SIPA1L2: variants seen among roughly 807,000 people sequenced by gnomAD.
SIPA1L2 encodes signal induced proliferation associated 1 like 2.
In SIPA1L2, 56 loss-of-function variants were observed where a neutral mutation model predicts 163.9. That is an observed-to-expected ratio of 0.34 (90% CI 0.28 to 0.43). The LOEUF is 0.43. Among genes scored for constraint, SIPA1L2 ranks in the 20% least tolerant of loss-of-function variants. The pLI is 1.00. For synonymous variants in SIPA1L2, 877 were observed against 865.7 expected (o/e 1.01, Z -0.23); for missense variants, 1,974 against 2,193.5 (o/e 0.90, Z 2.00).
chr1:232,504,117 G>A (rs576678192), intron 3 of SIPA1L2, among the ~76,000 whole-genome samples: 1 of 152,118 alleles, frequency 6.6e-6, no homozygotes, highest in Non-Finnish European at 1.5e-5. Flanking sequence ...CAGGAGAATC[G>A]CTTGAACCCA....
At chr1:232,518,573 C>T (rs1282505478) in intron 2 of SIPA1L2, among the ~76,000 whole-genome samples, 9 of 152,208 alleles carry the variant, frequency 5.9e-5, no homozygotes, top group African/African-American at 2.2e-4. Context: ...AAACAGCCCA[C>T]TCTCCAGGCT....
intron 1 of SIPA1L2, among the ~76,000 whole-genome samples, chr1:232,578,125 T>G (rs947549995): frequency 6.6e-6 from 1 of 152,240 alleles, no homozygotes; most frequent in African/African-American, 2.4e-5. Context: ...ACTGACTTGC[T>G]GAAGGCTCAG....
intron 19 of SIPA1L2, among the ~76,000 whole-genome samples, chr1:232,413,331 G>A (rs1471975630): frequency 1.3e-5 from 2 of 152,220 alleles, no homozygotes; most frequent in Non-Finnish European, 2.9e-5. Context: ...GCCCAGAAAT[G>A]GCTGAAGTTA....
chr1:232,621,636 G>A (rs7554230), intron 1 of SIPA1L2, among the ~76,000 whole-genome samples: 59,404 of 151,882 alleles, frequency 0.39, 11,960 homozygotes, highest in East Asian at 0.6. Context: ...TTCAAGCACG[G>A]TAACATTTTA....
intron 1 of SIPA1L2, among the ~76,000 whole-genome samples, chr1:232,583,721 A>G (rs1660503830): frequency 6.6e-6 from 1 of 152,220 alleles, no homozygotes; most frequent in East Asian, 1.9e-4. Context: ...GTAATAAACT[A>G]AGGAAGTCTA....
chr1:232,510,340 C>T (rs1244035257), intron 3 of SIPA1L2, among the ~76,000 whole-genome samples: 2 of 152,042 alleles, frequency 1.3e-5, no homozygotes, highest in African/African-American at 2.4e-5. Flanking sequence ...CAGACCATAT[C>T]CCTGTTGTTA....
chr1:232,425,673 C>G lies in SIPA1L2; in HGVS notation c.4546G>C (p.Asp1516His). Residue 1516 changes from aspartate (D) to histidine (H), a missense_variant, in exon 18 of 23, where the codon GAC (aspartate) becomes CAC (histidine). By Grantham distance (81) the Asp-to-His change is moderately conservative. Transcript: ENST00000674635. ...SSVLDQALPN[D>H]ILFSTTPPYH... is the part of the protein sequence containing the mutation. The stretch of plus-strand genomic sequence containing the variant: ...GGTGGGGTGGTGCTGAACAGAATGT[C>G]GTTGGGCAGGGCCTGGTCAAGCACG... 3 of 1,613,686 alleles carry G rather than the reference C, an allele frequency of 1.9e-6. No individual in the cohort carries two copies. The highest frequency in any genetic ancestry group is 2.5e-6 in the Non-Finnish European group (3 of 1,179,892).
intron 6 of SIPA1L2, among the ~76,000 whole-genome samples, chr1:232,482,711 C>T (rs921972930): frequency 3.3e-5 from 5 of 152,266 alleles, no homozygotes; most frequent in African/African-American, 9.6e-5. Flanking sequence ...CACCCTCATC[C>T]AGATGGAGTA....
chr1:232,566,967 G>T (rs1242364446), intron 2 of SIPA1L2, among the ~76,000 whole-genome samples: 1 of 152,162 alleles, frequency 6.6e-6, no homozygotes, highest in South Asian at 2.1e-4. Flanking sequence ...TTGTACAGAT[G>T]CTTCTTTTTG....
intron 1 of SIPA1L2, among the ~76,000 whole-genome samples, chr1:232,576,983 C>T (rs565997624): frequency 6.6e-6 from 1 of 152,308 alleles, no homozygotes; most frequent in South Asian, 2.1e-4. Flanking sequence ...CTACACTAAA[C>T]AGCAAATGTT....
intron 19 of SIPA1L2, among the ~76,000 whole-genome samples, chr1:232,408,694 C>T (rs1660780580): frequency 6.6e-6 from 1 of 152,074 alleles, no homozygotes; most frequent in Non-Finnish European, 1.5e-5. Flanking sequence ...ATTCACATTC[C>T]TTGACCATTT....
At chr1:232,587,371 T>C (rs906348242) in intron 1 of SIPA1L2, among the ~76,000 whole-genome samples, 1 of 152,144 alleles carries the variant, frequency 6.6e-6, no homozygotes, top group Admixed American at 6.6e-5. Flanking sequence ...ACTAAGTTCA[T>C]AACGAGTCAA....
At chr1:232,500,338 G>A (rs1463478845) in intron 3 of SIPA1L2, among the ~76,000 whole-genome samples, 1 of 152,190 alleles carries the variant, frequency 6.6e-6, no homozygotes, top group East Asian at 1.9e-4. Flanking sequence ...CATTTTGTAA[G>A]GCTATAGCCG....
At chr1:232,608,068 A>C (rs1662051375) in intron 1 of SIPA1L2, among the ~76,000 whole-genome samples, 1 of 141,962 alleles carries the variant, frequency 7.0e-6, no homozygotes, top group African/African-American at 2.6e-5. Flanking sequence ...AAAAAAAAAA[A>C]ACGAGTCTTA....
chr1:232,490,224 T>C (rs1177845968), intron 5 of SIPA1L2, among the ~76,000 whole-genome samples: 1 of 152,062 alleles, frequency 6.6e-6, no homozygotes, highest in Non-Finnish European at 1.5e-5. Flanking sequence ...CTAGTCATAG[T>C]TCCTAAAACA....
At chr1:232,480,154 C>CGT (rs536840154) in intron 6 of SIPA1L2, among the ~76,000 whole-genome samples, 29,445 of 132,410 alleles carry the variant, frequency 0.22, 2,972 homozygotes, top group Non-Finnish European at 0.25. Context: ...TGTGTGTGTG[C>CGT]GTGTGTGTGT....
chr1:232,525,036 T>C (rs939056906), intron 2 of SIPA1L2, among the ~76,000 whole-genome samples: 1 of 152,110 alleles, frequency 6.6e-6, no homozygotes, highest in African/African-American at 2.4e-5. Flanking sequence ...TATTCTTCCT[T>C]GTATAAAAAG....
intron 19 of SIPA1L2, among the ~76,000 whole-genome samples, chr1:232,410,097 C>T (rs1660863516): frequency 6.6e-6 from 1 of 151,878 alleles, no homozygotes; most frequent in Admixed American, 6.6e-5. Flanking sequence ...GTTTAAATGT[C>T]AAAGATTCCA....
At chr1:232,409,868 T>C (rs1329085209) in intron 19 of SIPA1L2, among the ~76,000 whole-genome samples, 2 of 152,164 alleles carry the variant, frequency 1.3e-5, no homozygotes, top group Non-Finnish European at 2.9e-5. Flanking sequence ...TAGCCATAAA[T>C]GTTGGGGGTG....
Sources: gnomAD v4.1 joint callset for allele counts (sites outside exome capture counted in the v4.1 genomes callset) on GRCh38, gnomAD v4.1.1 for gene constraint, MANE v1.5 for transcripts, NCBI Gene and HGNC (gene_info 2026-07-23, HGNC 2026-07-21) for gene names.